Variants in ZC3H12C observed in about 807,000 individuals in gnomAD.
The protein encoded by ZC3H12C is zinc finger CCCH-type containing 12C.
ZC3H12C carries 20 observed loss-of-function variants against 76.3 expected under a neutral mutation model. That is an observed-to-expected ratio of 0.26 (90% CI 0.18 to 0.38). The LOEUF (loss-of-function observed/expected upper bound fraction) is 0.38. ZC3H12C is among the 10% of genes least tolerant of loss of function. The pLI, the probability that ZC3H12C is intolerant of heterozygous loss-of-function variation, is 1.00. For missense variants in ZC3H12C, 874 were observed against 1,086.5 expected (o/e 0.80, Z 2.75); for synonymous variants, 352 against 399.6 (o/e 0.88, Z 1.42).
At chr11:110,120,156 T>C (rs1861628097) in intron 1 of ZC3H12C, among the ~76,000 whole-genome samples, 1 of 152,312 alleles carries the variant, frequency 6.6e-6, no homozygotes, top group Admixed American at 6.5e-5. Context: ...GTAGCCTCAG[T>C]GTTTGGCACC....
intron 1 of ZC3H12C, among the ~76,000 whole-genome samples, chr11:110,111,408 A>G (rs1861424675): frequency 8.6e-6 from 1 of 116,524 alleles, no homozygotes. Context: ...TTCTTACTCA[A>G]CTTTTTTTGT....
At chr11:110,133,069 TAAA>T (rs1174451826) in intron 1 of ZC3H12C, among the ~76,000 whole-genome samples, 1 of 152,170 alleles carries the variant, frequency 6.6e-6, no homozygotes, top group African/African-American at 2.4e-5. Flanking sequence ...GCAGCCTATT[TAAA>T]TACCTTGTTT....
intron 1 of ZC3H12C, among the ~76,000 whole-genome samples, chr11:110,097,490 GGTTTAA>G (rs1023791755): frequency 6.6e-4 from 101 of 152,264 alleles, no homozygotes; most frequent in African/African-American, 2.4e-3. Context: ...ACTGCATTGT[GGTTTAA>G]GTTTGAGAAC....
chr11:110,117,433 C>T (rs1861545809), intron 1 of ZC3H12C, among the ~76,000 whole-genome samples: 1 of 151,640 alleles, frequency 6.6e-6, no homozygotes, highest in Admixed American at 6.6e-5. Flanking sequence ...TTTTCAAAGG[C>T]TGTATGTAGT....
At chr11:110,097,680 C>A (rs994061277) in intron 1 of ZC3H12C, among the ~76,000 whole-genome samples, 2 of 152,140 alleles carry the variant, frequency 1.3e-5, no homozygotes, top group Admixed American at 1.3e-4. Flanking sequence ...TTAATAATAG[C>A]AGAATGAGGG....
chr11:110,149,346 GGGA>G (rs1862227957), intron 2 of ZC3H12C, among the ~76,000 whole-genome samples: 1 of 152,210 alleles, frequency 6.6e-6, no homozygotes, highest in Admixed American at 6.5e-5. Context: ...ATCTAAGGCT[GGGA>G]GGAGGATGAA....
At chr11:110,159,623 G>T in intron 4 of ZC3H12C, 133 bp downstream of exon 4, 4 of 773,132 alleles carry the variant, frequency 5.2e-6, no homozygotes, top group Non-Finnish European at 8.2e-6. Context: ...TCTCCCCACT[G>T]ATCCTCAGTG....
chr11:110,130,988 A>T lies in ZC3H12C; in HGVS notation c.22-5675A>T, dbSNP rs1861854576. 5.3e-6 allele frequency: 8 copies of T among 1,520,984 alleles called. No individual in the cohort carries two copies. The South Asian group carries it at 9.6e-5, about 18-fold the overall frequency. The allele number at this position is 1,520,984 out of a possible 1,614,324, so 94.2% of individuals were successfully genotyped here. On this transcript the variant is annotated intron_variant, in intron 1 of 5. Coordinates refer to ENST00000278590, the MANE Select transcript of ZC3H12C (RefSeq NM_033390.2). Reference sequence around the variant, plus strand: ...GGTTAAGCAAAGACATTACCATTCCATCTGTTCAACCATTCATTGTTCTTC... The same window carrying T: ...GGTTAAGCAAAGACATTACCATTCCTTCTGTTCAACCATTCATTGTTCTTC...
chr11:110,108,868 G>C (rs1468434908), intron 1 of ZC3H12C, among the ~76,000 whole-genome samples: 1 of 152,120 alleles, frequency 6.6e-6, no homozygotes, highest in Non-Finnish European at 1.5e-5. Context: ...CAAATATCTA[G>C]AAGTTCTTGA....
intron 1 of ZC3H12C, chr11:110,124,137 T>A (rs1861697927): frequency 1.3e-5 from 2 of 152,184 alleles, no homozygotes; most frequent in South Asian, 4.1e-4. Context: ...GGGAAGAGAA[T>A]CCAGAGGAGA....
chr11:110,134,599 G>C (rs1409400771), intron 1 of ZC3H12C, among the ~76,000 whole-genome samples: 1 of 152,070 alleles, frequency 6.6e-6, no homozygotes, highest in Non-Finnish European at 1.5e-5. Flanking sequence ...TCAATTCTAA[G>C]TAATTGGGCT....
At chr11:110,111,934 C>T (rs1225752382) in intron 1 of ZC3H12C, among the ~76,000 whole-genome samples, 4 of 151,012 alleles carry the variant, frequency 2.6e-5, no homozygotes, top group African/African-American at 9.8e-5. Context: ...TCCCCACATC[C>T]CCATCTTTCA....
chr11:110,104,353 C>T (rs536798710), intron 1 of ZC3H12C, among the ~76,000 whole-genome samples: 17 of 152,178 alleles, frequency 1.1e-4, no homozygotes, highest in African/African-American at 3.1e-4. Context: ...AGTGAGCCAC[C>T]GCACCTGGCC....
intron 4 of ZC3H12C, 23 bp from the exon 5 acceptor site, chr11:110,163,250 T>G: frequency 1.3e-6 from 2 of 1,575,532 alleles, no homozygotes; most frequent in Non-Finnish European, 1.7e-6. Flanking sequence ...TTAGGTATCA[T>G]TTTTTTATTA....
chr11:110,147,861 T>C (rs748674257), intron 2 of ZC3H12C, among the ~76,000 whole-genome samples: 2 of 152,172 alleles, frequency 1.3e-5, no homozygotes, highest in Non-Finnish European at 2.9e-5. Context: ...ATGTTCTGTT[T>C]AGGGAAGTTT....
chr11:110,117,695 ACATATATAT>A (rs1453576020), intron 1 of ZC3H12C, among the ~76,000 whole-genome samples: 1 of 134,360 alleles, frequency 7.4e-6, no homozygotes, highest in Non-Finnish European at 1.6e-5. Flanking sequence ...ATACACACAC[ACATATATAT>A]TATATATATA....
At chr11:110,130,941 G>C (rs573925983) in intron 1 of ZC3H12C, 133 of 1,273,008 alleles carry the variant, frequency 1.0e-4, no homozygotes, top group Non-Finnish European at 1.3e-4. Flanking sequence ...CCTATGATTG[G>C]CTGTTATTCC....
At position 110,168,023 on chromosome 11, in the gene ZC3H12C, AG is replaced by A. The variant is rs1270238922; in HGVS notation, c.*2288del. ...GAAATCACTTTTAAATTATACATGTAGGTTTTGCTTCCATTTTCTTCATTTT... is the reference window on the plus strand; with the variant it reads ...GAAATCACTTTTAAATTATACATGTAGTTTTGCTTCCATTTTCTTCATTTT... On this transcript the variant is annotated 3_prime_UTR_variant, in exon 6 of 6. Coordinates refer to ENST00000278590, the MANE Select transcript of ZC3H12C (RefSeq NM_033390.2). The A allele has an allele frequency of 8.5e-5, 13 of 152,268 alleles. No homozygotes were observed. The highest frequency in any genetic ancestry group is 1.3e-4 in the Non-Finnish European group (9 of 67,996). 9.4% of individuals were successfully genotyped at this position (152,268 alleles called of 1,614,324 possible). A position where few individuals can be genotyped will look rare whatever the true frequency, so the allele number is the denominator to read the frequency against.
intron 1 of ZC3H12C, chr11:110,131,311 A>G: frequency 1.8e-6 from 1 of 565,076 alleles, no homozygotes; most frequent in Non-Finnish European, 3.1e-6. Context: ...AGTTATATAA[A>G]TAATTACTTA....
Sources: allele counts gnomAD v4.1 joint callset (sites outside exome capture counted in the v4.1 genomes callset), GRCh38; gene constraint gnomAD v4.1.1; transcripts MANE v1.5; gene names NCBI Gene and HGNC (gene_info 2026-07-23, HGNC 2026-07-21).